FASTKD1: variants seen among roughly 807,000 people sequenced by gnomAD.
The protein encoded by FASTKD1 is FAST kinase domain-containing protein 1, mitochondrial.
A neutral mutation model predicts 90.9 loss-of-function variants in FASTKD1; 94 were observed. That is an observed-to-expected ratio of 1.03 (90% CI 0.88 to 1.23). The LOEUF (loss-of-function observed/expected upper bound fraction) is 1.23, where lower values mean the gene tolerates loss of function less well. FASTKD1 is among the 50% of genes most tolerant of loss of function. The probability of loss-of-function intolerance (pLI) is 0.00; values close to 1 mark genes in which losing one functional copy is unlikely to be tolerated. For missense variants in FASTKD1, 945 were observed against 993.5 expected (o/e 0.95, Z 0.66); for synonymous variants, 319 against 345.8 (o/e 0.92, Z 0.86).
At chr2:169,544,628 G>GGTTA (rs1354841575) in intron 9 of FASTKD1, 93 bp downstream of exon 9, 4 of 733,500 alleles carry the variant, frequency 5.5e-6, no homozygotes, top group Non-Finnish European at 9.5e-6. Context: ...TGTCTATTAT[G>GGTTA]GTTACCCTTT....
chr2:169,566,483 TAGG>T (rs1351460976), intron 3 of FASTKD1, among the ~76,000 whole-genome samples: 1 of 152,124 alleles, frequency 6.6e-6, no homozygotes, highest in East Asian at 1.9e-4. Flanking sequence ...GAGGCCAAGG[TAGG>T]AGGATTCCTT....
intron 5 of FASTKD1, 21 bp downstream of exon 5, chr2:169,560,366 T>C (rs775254147): frequency 6.6e-7 from 1 of 1,512,246 alleles, no homozygotes; most frequent in Non-Finnish European, 8.8e-7. Flanking sequence ...AAAAAAGTAA[T>C]GCATTTTAAA....
chr2:169,555,182 T>G lies in FASTKD1; in HGVS notation c.1156A>C (p.Thr386Pro). 2 of 1,612,856 alleles carry G rather than the reference T, an allele frequency of 1.2e-6. No homozygotes were observed. ...TCCTTCCTTTGGAAATGCAGAAAAG[T>G]TAATTCTTGAGTTATCTTCAACAAC... is the stretch of plus-strand genomic sequence containing the variant. ...LELLKITQELTFLHFQRKEFF... is the reference protein window; with the variant it reads ...LELLKITQELPFLHFQRKEFF... The change falls in exon 7 of 15, where the codon ACT becomes CCT. Residue 386 changes from threonine (T) to proline (P), a missense_variant. Physicochemically the swap from Thr to Pro is conservative, Grantham distance 38. Transcript: ENST00000453153.
chr2:169,557,437 C>A, intron 5 of FASTKD1, 140 bp from the exon 6 acceptor site: 1 of 491,088 alleles, frequency 2.0e-6, no homozygotes. Flanking sequence ...CTAGTGTTCT[C>A]CCCACATTAC....
chr2:169,535,686 C>T (rs1268737645), intron 12 of FASTKD1, among the ~76,000 whole-genome samples: 1 of 152,056 alleles, frequency 6.6e-6, no homozygotes, highest in Non-Finnish European at 1.5e-5. Flanking sequence ...TGTTTTATAG[C>T]ACAAGATGAG....
chr2:169,536,480 C>T (rs1684729001), intron 12 of FASTKD1, among the ~76,000 whole-genome samples: 1 of 151,884 alleles, frequency 6.6e-6, no homozygotes, highest in Non-Finnish European at 1.5e-5. Flanking sequence ...TTATTATTAA[C>T]AATATAGTTT....
chr2:169,531,280 A>C (rs1684473773), intron 13 of FASTKD1, 72 bp downstream of exon 13: 1 of 1,461,484 alleles, frequency 6.8e-7, no homozygotes, highest in Non-Finnish European at 9.6e-7. Flanking sequence ...ATCCTTGATC[A>C]CTGACTTCAG....
Position 169,537,345 on chromosome 2 carries a change from A to G in FASTKD1, c.2075-5T>C. Reference sequence around the variant, plus strand: ...TTCCATCCATGCCACCAATACCTTTATAAAAAAATAAATAATTAGTCTACT... The same window carrying G: ...TTCCATCCATGCCACCAATACCTTTGTAAAAAAATAAATAATTAGTCTACT... On this transcript the variant is annotated splice_region_variant and splice_polypyrimidine_tract_variant and intron_variant, in intron 11 of 14. Coordinates refer to ENST00000453153, the MANE Select transcript of FASTKD1 (RefSeq NM_024622.6). The G allele has an allele frequency of 6.6e-7, 1 of 1,520,796 alleles. No individual in the cohort carries two copies. The highest frequency in any genetic ancestry group is 9.0e-7 in the Non-Finnish European group (1 of 1,108,792). 94.2% of individuals were successfully genotyped at this position (1,520,796 alleles called of 1,614,324 possible). A position where few individuals can be genotyped will look rare whatever the true frequency, so the allele number is the denominator to read the frequency against.
At chr2:169,536,183 T>G (rs574903963) in intron 12 of FASTKD1, among the ~76,000 whole-genome samples, 2 of 152,352 alleles carry the variant, frequency 1.3e-5, no homozygotes, top group Non-Finnish European at 2.9e-5. Context: ...ATGCTTTACA[T>G]GCAATATCTC....
intron 3 of FASTKD1, among the ~76,000 whole-genome samples, chr2:169,568,547 C>T (rs1447728892): frequency 6.9e-6 from 1 of 145,048 alleles, no homozygotes; most frequent in Non-Finnish European, 1.5e-5. Flanking sequence ...AAACCCAGCA[C>T]TTTGTGAGGC....
chr2:169,531,537 C>T (rs555327686), intron 12 of FASTKD1, 47 bp from the exon 13 acceptor site: 2 of 1,464,754 alleles, frequency 1.4e-6, no homozygotes, highest in East Asian at 2.3e-5. Flanking sequence ...TAAAGTCTTA[C>T]AGATAAAAGT....
In FASTKD1 at chr2:169,529,905, A is replaced by G; in HGVS notation, c.2464T>C (p.Ser822Pro). Residue 822 changes from serine (S) to proline (P), a missense_variant, in exon 15 of 15, where the codon TCT becomes CCT. By Grantham distance (74) the Ser-to-Pro change is moderately conservative. Transcript: ENST00000453153. ...VIQISQFEWNSMALSTKDARM... is the reference protein window; with the variant it reads ...VIQISQFEWNPMALSTKDARM... ...GCATCCTTTGTTGACAGTGCCATAG[A>G]GTTCCATTCAAACTGGGAAATCTGA... 1.9e-6 allele frequency: 3 copies of G among 1,611,090 alleles called. No individual in the cohort carries two copies. The highest frequency in any genetic ancestry group is 2.5e-6 in the Non-Finnish European group (3 of 1,178,888).
rs1204299133 is a variant in FASTKD1 at position 169,560,575 on chromosome 2, G to T, written c.783C>A (p.Asp261Glu). 6.2e-7 allele frequency: 1 copy of T among 1,606,062 alleles called. No homozygotes were observed. The highest frequency in any genetic ancestry group is 1.7e-5 in the Admixed American group (1 of 58,382). The stretch of plus-strand genomic sequence containing the variant: ...TACTGATGGAATCCAAATCAAGGTG[G>T]TCCACATTACTTAAAAATACGTTAT... ...RCNNVFLSNV[D>E]HLDLDSISKI... The change falls in exon 5 of 15, where the codon GAC (aspartate) becomes GAA (glutamate). Residue 261 changes from aspartate (D) to glutamate (E), a missense_variant. Transcript: ENST00000453153.
rs1297514468 is a variant in FASTKD1, at chr2:169,560,536, T to C, written c.822A>G (p.Val274=). The change falls in exon 5 of 15, where the codon GTA becomes GTG. Residue 274 remains valine, a synonymous_variant. Transcript: ENST00000453153. ...AACTATTAAATTGTAGAAATTTGTA[T>C]ACACTAAGTATTTTACTGATGGAAT... ...DLDSISKILS[V]YKFLQFNSFE... 11 of 1,602,262 alleles carry C rather than the reference T, an allele frequency of 6.9e-6. No homozygotes were observed. The highest frequency in any genetic ancestry group is 9.4e-6 in the Non-Finnish European group (11 of 1,175,414).
rs1300749965 is a variant in FASTKD1, at chr2:169,571,788, T to C, written c.242A>G (p.Gln81Arg). 1 of 1,614,170 alleles carries C rather than the reference T, an allele frequency of 6.2e-7. No homozygotes were observed. The highest frequency in any genetic ancestry group is 2.2e-5 in the East Asian group (1 of 44,856). ...AGCATTTTTTAACAGGCTGGTCTTC[T>C]GCTTTTGAAGCTTCCAAAGCATATC... is the stretch of plus-strand genomic sequence containing the variant. ...AFDMLWKLQKQKTSLLKNAEY... is the reference protein window; with the variant it reads ...AFDMLWKLQKRKTSLLKNAEY... Residue 81 changes from glutamine (Q) to arginine (R), a missense_variant, in exon 2 of 15, where the codon CAG (glutamine) becomes CGG (arginine). Transcript: ENST00000453153.
At chr2:169,530,505 G>A in intron 14 of FASTKD1, 82 bp downstream of exon 14, 3 of 747,662 alleles carry the variant, frequency 4.0e-6, no homozygotes, top group Admixed American at 2.7e-5. Flanking sequence ...GGTAATTCTG[G>A]AACTTTCACA....
chr2:169,541,083 A>G (rs1684936449), intron 9 of FASTKD1, among the ~76,000 whole-genome samples: 1 of 152,240 alleles, frequency 6.6e-6, no homozygotes, highest in African/African-American at 2.4e-5. Flanking sequence ...TTTATTTAAT[A>G]AAGAAAGACC....
In FASTKD1 at chr2:169,569,136, C is replaced by T. The variant is rs771188418; in HGVS notation, c.446+48G>A. Reference sequence around the variant, plus strand: ...TCCCTTCAAGATTTCACTCTGTTAACCCTGAAAAGAATAACCCTGATCTTC... The same window carrying T: ...TCCCTTCAAGATTTCACTCTGTTAATCCTGAAAAGAATAACCCTGATCTTC... On this transcript the variant is annotated intron_variant, in intron 3 of 14. Coordinates refer to ENST00000453153, the MANE Select transcript of FASTKD1 (RefSeq NM_024622.6). 18 of 1,491,860 alleles carry T rather than the reference C, an allele frequency of 1.2e-5. No individual in the cohort carries two copies. The South Asian group carries it at 1.7e-4, about 14-fold the overall frequency. The allele number at this position is 1,491,860 out of a possible 1,614,324, so 92.4% of individuals were successfully genotyped here.
intron 12 of FASTKD1, among the ~76,000 whole-genome samples, chr2:169,533,426 C>T (rs1684576780): frequency 6.6e-6 from 1 of 152,024 alleles, no homozygotes. Context: ...GCCAGAATGC[C>T]AAGCTCAAAT....
Sources: allele counts gnomAD v4.1 joint callset (sites outside exome capture counted in the v4.1 genomes callset), GRCh38; gene constraint gnomAD v4.1.1; transcripts MANE v1.5; gene names NCBI Gene and HGNC (gene_info 2026-07-23, HGNC 2026-07-21).